Variants in MGAT1 observed in about 807,000 individuals in gnomAD.
MGAT1 encodes alpha-1,3-mannosyl-glycoprotein 2-beta-N-acetylglucosaminyltransferase.
Under a neutral mutation model 31.7 loss-of-function variants are expected in MGAT1, and 14 were observed. That is an observed-to-expected ratio of 0.44 (90% CI 0.29 to 0.69). The LOEUF is 0.69. MGAT1 is among the 30% of genes least tolerant of loss of function. The pLI is 0.12. For synonymous variants in MGAT1, 338 were observed against 276.0 expected (o/e 1.22, Z -2.23); for missense variants, 557 against 626.0 (o/e 0.89, Z 1.18).
upstream of MGAT1, among the ~76,000 whole-genome samples, chr5:180,804,584 C>T (rs1771582060): frequency 6.6e-6 from 1 of 152,224 alleles, no homozygotes; most frequent in Non-Finnish European, 1.5e-5. Flanking sequence ...TCACCTCTGC[C>T]CTATGTTTGC....
chr5:180,792,818 G>C lies in MGAT1; in HGVS notation c.154C>G (p.Arg52Gly). The change falls in exon 2 of 2, where the codon CGG (arginine) becomes GGG (glycine). Residue 52 changes from arginine to glycine, a missense_variant. Physicochemically the swap from Arg to Gly is moderately radical, Grantham distance 125. Transcript: ENST00000307826. ...ALDGDPASLT[R>G]EVIRLAQDAE... Reference sequence around the variant, plus strand: ...TCTTGGGCCAGGCGAATCACTTCCCGGGTGAGGCTGGCGGGGTCGCCATCG... The same window carrying C: ...TCTTGGGCCAGGCGAATCACTTCCCCGGTGAGGCTGGCGGGGTCGCCATCG... 1 of 1,560,814 alleles carries C rather than the reference G, an allele frequency of 6.4e-7. No individual in the cohort carries two copies. The highest frequency in any genetic ancestry group is 8.7e-7 in the Non-Finnish European group (1 of 1,153,232).
intron 1 of MGAT1, among the ~76,000 whole-genome samples, chr5:180,797,309 G>A (rs1769606067): frequency 1.3e-5 from 2 of 151,144 alleles, no homozygotes; most frequent in South Asian, 2.1e-4. Context: ...GGCTGAGACA[G>A]GAGAATCCCT....
rs756906457 is a variant in MGAT1 at position 180,792,260 on chromosome 5, C to T, written c.712G>A (p.Val238Ile). The stretch of plus-strand genomic sequence containing the variant: ...TTGCCGTTGTCATTCCAGGCCGAGA[C>T]GCACCACAGGGAGGGGTCGGCCTTC... The part of the protein sequence containing the change: ...LLKADPSLWC[V>I]SAWNDNGKEQ... The change falls in exon 2 of 2, where the codon GTC becomes ATC. Residue 238 changes from valine to isoleucine, a missense_variant. By Grantham distance (29) the Val-to-Ile change is conservative. Coordinates refer to ENST00000307826, the MANE Select transcript of MGAT1 (RefSeq NM_002406.4). The T allele has an allele frequency of 3.1e-6, 5 of 1,612,928 alleles. No homozygotes were observed. The highest frequency in any genetic ancestry group is 4.5e-5 in the East Asian group (2 of 44,890).
intron 1 of MGAT1, among the ~76,000 whole-genome samples, chr5:180,797,430 G>C (rs866420471): frequency 7.2e-5 from 6 of 83,908 alleles, no homozygotes; most frequent in Middle Eastern, 6.0e-3. Flanking sequence ...AAAAAAAAAA[G>C]GGGGGGGGGG....
At chr5:180,798,912 G>A (rs1040402497) in intron 1 of MGAT1, among the ~76,000 whole-genome samples, 19 of 152,278 alleles carry the variant, frequency 1.2e-4, no homozygotes, top group African/African-American at 4.1e-4. Flanking sequence ...CTATGAAAAT[G>A]GAAGTACAAA....
intron 1 of MGAT1, among the ~76,000 whole-genome samples, chr5:180,800,188 C>CA (rs1464719607): frequency 6.6e-6 from 1 of 152,228 alleles, no homozygotes; most frequent in East Asian, 1.9e-4. Context: ...ACAAGCAGGG[C>CA]AAGTGCCCTC....
intron 1 of MGAT1, among the ~76,000 whole-genome samples, chr5:180,798,599 G>A (rs1311903517): frequency 1.3e-5 from 2 of 152,200 alleles, no homozygotes; most frequent in Non-Finnish European, 2.9e-5. Flanking sequence ...AACATCCACA[G>A]TTCCTCAACT....
intron 1 of MGAT1, among the ~76,000 whole-genome samples, chr5:180,814,200 T>C (rs1286315424): frequency 6.6e-6 from 1 of 152,258 alleles, no homozygotes; most frequent in African/African-American, 2.4e-5. Flanking sequence ...TTTGTACCGA[T>C]TTTAGTCTGA....
At chr5:180,802,164 C>A (rs924719058) in intron 1 of MGAT1, among the ~76,000 whole-genome samples, 11 of 152,300 alleles carry the variant, frequency 7.2e-5, no homozygotes, top group African/African-American at 2.4e-4. Context: ...GTTTATCAGA[C>A]GCGGGCACTG....
At chr5:180,808,423 T>C (rs1772137285) in intron 2 of MGAT1, 1 of 152,188 alleles carries the variant, frequency 6.6e-6, no homozygotes, top group African/African-American at 2.4e-5. Flanking sequence ...TGGCCTAACC[T>C]CACAACTGCC....
chr5:180,807,515 G>C (rs1772025929), upstream of MGAT1, among the ~76,000 whole-genome samples: 1 of 152,202 alleles, frequency 6.6e-6, no homozygotes, highest in Non-Finnish European at 1.5e-5. Flanking sequence ...TCATCTTAAG[G>C]AGCGGGAGAG....
chr5:180,800,485 G>A (rs946147319), intron 1 of MGAT1, among the ~76,000 whole-genome samples: 1 of 152,232 alleles, frequency 6.6e-6, no homozygotes, highest in African/African-American at 2.4e-5. Context: ...TCACATGTCT[G>A]TAGGATGATG....
intron 1 of MGAT1, chr5:180,809,752 CT>C (rs1339196118): frequency 1.3e-5 from 2 of 152,280 alleles, no homozygotes. Context: ...AAACCCACCC[CT>C]GTTGCCCCCT....
chr5:180,801,296 T>C (rs1489327357), intron 1 of MGAT1, among the ~76,000 whole-genome samples: 1 of 152,242 alleles, frequency 6.6e-6, no homozygotes. Flanking sequence ...TAAAATTAAG[T>C]ACAGAAGTGG....
chr5:180,792,865 C>A lies in MGAT1; in HGVS notation c.107G>T (p.Arg36Met). ...ATCGAGAGCGCTGACTGAGGGTGGC[C>A]TGCCAGGTGCTGGGCGCGTCCAGAA... ...LFFWTRPAPG[R>M]PPSVSALDGD... Residue 36 changes from arginine (R) to methionine (M), a missense_variant, in exon 2 of 2, where the codon AGG becomes ATG. Around this residue, in one of 3 missense-constraint regions of MGAT1, gnomAD observed 167 missense variants for 149.8 expected, o/e 1.11. Transcript: ENST00000307826. 1 of 1,580,462 alleles carries A rather than the reference C, an allele frequency of 6.3e-7. No homozygotes were observed. The highest frequency in any genetic ancestry group is 8.6e-7 in the Non-Finnish European group (1 of 1,163,984).
At position 180,792,241 on chromosome 5, in the gene MGAT1, T is replaced by G; in HGVS notation, c.731A>C (p.Asn244Thr). The change falls in exon 2 of 2, where the codon AAC becomes ACC. Residue 244 changes from asparagine (N) to threonine (T), a missense_variant. This residue lies in a region of MGAT1 where 245 missense variants were observed against 332.9 expected (regional missense o/e 0.74). Transcript: ENST00000307826. ...GGCGTCCACCATCTGCTCCTTGCCG[T>G]TGTCATTCCAGGCCGAGACGCACCA... Reference protein sequence around the residue: ...SLWCVSAWNDNGKEQMVDASR... With the variant: ...SLWCVSAWNDTGKEQMVDASR... The G allele has an allele frequency of 6.2e-7, 1 of 1,613,098 alleles. No individual in the cohort carries two copies. The highest frequency in any genetic ancestry group is 8.5e-7 in the Non-Finnish European group (1 of 1,179,990).
chr5:180,813,111 G>A (rs1179572810), intron 1 of MGAT1, among the ~76,000 whole-genome samples: 1 of 150,202 alleles, frequency 6.7e-6, no homozygotes. Flanking sequence ...TTAGGATAAA[G>A]TCTGGGAACT....
In MGAT1 at chr5:180,800,423, TGAAA is replaced by T. The variant is rs769524544; in HGVS notation, c.-127+2253_-127+2256del. Among the ~76,000 whole-genome samples, 6 of 152,366 alleles carry T rather than the reference TGAAA, an allele frequency of 3.9e-5. No individual in the cohort carries two copies. The East Asian group carries it at 9.6e-4, about 24-fold the overall frequency. On this transcript the variant is annotated intron_variant, in intron 1 of 1. Transcript: ENST00000307826. ...TGCTCCACTATGCCTGAGGCCTTGC[TGAAA>T]GACTCAAAAGCTGAGGGCCAGATGC...
intron 2 of MGAT1, among the ~76,000 whole-genome samples, chr5:180,807,876 C>T (rs1021626060): frequency 7.2e-5 from 11 of 152,238 alleles, no homozygotes; most frequent in African/African-American, 2.7e-4. Flanking sequence ...GAACTCCTGA[C>T]TCAGAGTTGT....
Sources: allele counts gnomAD v4.1 joint callset (sites outside exome capture counted in the v4.1 genomes callset), GRCh38; gene constraint gnomAD v4.1.1; regional missense constraint gnomAD v4.1.1; transcripts MANE v1.5; gene names NCBI Gene and HGNC (gene_info 2026-07-23, HGNC 2026-07-21).